Variants in FGF14 observed in about 807,000 individuals in gnomAD.
FGF14 encodes the protein fibroblast growth factor homologous factor 4.
FGF14 carries 5 observed loss-of-function variants against 25.5 expected under a neutral mutation model. That is an observed-to-expected ratio of 0.20 (90% CI 0.10 to 0.41). FGF14 has a LOEUF of 0.41. FGF14 is among the 10% of genes least tolerant of loss of function. The probability of loss-of-function intolerance (pLI) is 1.00; values close to 1 mark genes in which losing one functional copy is unlikely to be tolerated. For synonymous variants in FGF14, 138 were observed against 118.3 expected (o/e 1.17, Z -1.08); for missense variants, 222 against 320.1 (o/e 0.69, Z 2.34).
At chr13:102,290,676 T>G (rs1398636829) in intron 1 of FGF14, among the ~76,000 whole-genome samples, 1 of 152,200 alleles carries the variant, frequency 6.6e-6, no homozygotes, top group African/African-American at 2.4e-5. Context: ...CTTCTGCATA[T>G]GCAAGACTTG....
intron 1 of FGF14, among the ~76,000 whole-genome samples, chr13:102,225,252 C>T (rs564938707): frequency 6.6e-6 from 1 of 152,024 alleles, no homozygotes; most frequent in Non-Finnish European, 1.5e-5. Context: ...TGGACAAGGC[C>T]TTGAACCCCA....
chr13:102,399,810 A>G (rs2058659809), intron 1 of FGF14, among the ~76,000 whole-genome samples: 1 of 152,078 alleles, frequency 6.6e-6, no homozygotes, highest in African/African-American at 2.4e-5. Flanking sequence ...AAGAACTAGA[A>G]CACAGGGAGG....
At chr13:102,243,490 T>C (rs762612274) in intron 1 of FGF14, among the ~76,000 whole-genome samples, 2 of 152,102 alleles carry the variant, frequency 1.3e-5, no homozygotes, top group African/African-American at 2.4e-5. Flanking sequence ...ATAATTGAAT[T>C]GTTCAATTGA....
intron 1 of FGF14, among the ~76,000 whole-genome samples, chr13:102,236,815 T>C (rs183786958): frequency 4.3e-4 from 65 of 152,302 alleles, no homozygotes; most frequent in African/African-American, 1.3e-3. Flanking sequence ...CTCATTTGCA[T>C]CATCAGCCTA....
chr13:101,786,319 T>C (rs2039821697), intron 3 of FGF14, among the ~76,000 whole-genome samples: 1 of 152,200 alleles, frequency 6.6e-6, no homozygotes, highest in Admixed American at 6.5e-5. Context: ...TGCTTAGAGA[T>C]TTCTGATGAT....
chr13:101,876,736 T>C (rs547704734), intron 1 of FGF14, among the ~76,000 whole-genome samples: 1 of 152,312 alleles, frequency 6.6e-6, no homozygotes, highest in Non-Finnish European at 1.5e-5. Context: ...TTGCGTTACA[T>C]ATGTTCCTTA....
At chr13:101,935,984 G>T (rs1371605594) in intron 1 of FGF14, among the ~76,000 whole-genome samples, 1 of 152,210 alleles carries the variant, frequency 6.6e-6, no homozygotes, top group Non-Finnish European at 1.5e-5. Context: ...ACAGGTCAAT[G>T]AAGGGGAAAT....
At chr13:102,110,479 G>A (rs1309630420) in intron 1 of FGF14, among the ~76,000 whole-genome samples, 6 of 152,156 alleles carry the variant, frequency 3.9e-5, no homozygotes, top group Non-Finnish European at 8.8e-5. Context: ...TGTAAGGAAC[G>A]TTTTACTGGA....
intron 1 of FGF14, among the ~76,000 whole-genome samples, chr13:102,069,090 C>A (rs1357317461): frequency 6.6e-6 from 1 of 150,452 alleles, no homozygotes; most frequent in East Asian, 2.0e-4. Context: ...TTATGTCTAG[C>A]TCAGGGATTG....
intron 1 of FGF14, among the ~76,000 whole-genome samples, chr13:102,028,972 G>A (rs2041076344): frequency 6.6e-6 from 1 of 152,046 alleles, no homozygotes. Flanking sequence ...AGCTAAAAAT[G>A]AGGCTCAGCA....
At chr13:101,772,899 T>A (rs1244528743) in intron 3 of FGF14, among the ~76,000 whole-genome samples, 12 of 152,152 alleles carry the variant, frequency 7.9e-5, no homozygotes, top group Admixed American at 7.9e-4. Flanking sequence ...GAACTATTTT[T>A]AATCATTTAT....
At chr13:102,288,731 C>G (rs1001043322) in intron 1 of FGF14, among the ~76,000 whole-genome samples, 1 of 151,974 alleles carries the variant, frequency 6.6e-6, no homozygotes, top group Non-Finnish European at 1.5e-5. Context: ...GTTACAGGCG[C>G]CTGCCACAAT....
chr13:101,823,706 G>T (rs984555647), intron 3 of FGF14, among the ~76,000 whole-genome samples: 4 of 150,414 alleles, frequency 2.7e-5, no homozygotes, highest in Non-Finnish European at 5.9e-5. Flanking sequence ...CAAACTGCTG[G>T]GATTACAGGC....
At chr13:101,779,742 C>T (rs1280416711) in intron 3 of FGF14, among the ~76,000 whole-genome samples, 1 of 152,014 alleles carries the variant, frequency 6.6e-6, no homozygotes, top group Non-Finnish European at 1.5e-5. Flanking sequence ...CATATAAGGT[C>T]CCAAGGTAAT....
At chr13:101,735,672 A>G (rs1002151890) in intron 3 of FGF14, among the ~76,000 whole-genome samples, 3 of 147,002 alleles carry the variant, frequency 2.0e-5, no homozygotes, top group African/African-American at 7.4e-5. Context: ...CCCCATAGGA[A>G]AAAAAAAAAA....
At chr13:102,187,088 C>T (rs1432903423) in intron 1 of FGF14, among the ~76,000 whole-genome samples, 1 of 152,166 alleles carries the variant, frequency 6.6e-6, no homozygotes, top group African/African-American at 2.4e-5. Flanking sequence ...CAAGCAACGC[C>T]TCGGTTACAT....
At chr13:102,256,362 G>C (rs2052438818) in intron 1 of FGF14, among the ~76,000 whole-genome samples, 1 of 152,206 alleles carries the variant, frequency 6.6e-6, no homozygotes, top group East Asian at 1.9e-4. Context: ...AGCCAAGCAT[G>C]GTGGGACACA....
intron 1 of FGF14, among the ~76,000 whole-genome samples, chr13:102,359,007 T>C (rs1163330468): frequency 6.6e-6 from 1 of 152,216 alleles, no homozygotes; most frequent in Non-Finnish European, 1.5e-5. Context: ...AATGAGATCA[T>C]GTCCTTTGCA....
At chr13:101,776,678 C>T (rs1299359812) in intron 3 of FGF14, among the ~76,000 whole-genome samples, 6 of 152,142 alleles carry the variant, frequency 3.9e-5, no homozygotes, top group Admixed American at 2.6e-4. Context: ...GAGATCTGGT[C>T]GCATGAAGCA....
Sources: allele counts gnomAD v4.1 joint callset (sites outside exome capture counted in the v4.1 genomes callset), GRCh38; gene constraint gnomAD v4.1.1; transcripts MANE v1.5; gene names NCBI Gene and HGNC (gene_info 2026-07-23, HGNC 2026-07-21).